Variants in COL6A5 observed in about 807,000 individuals in gnomAD.
The protein encoded by COL6A5 is collagen alpha-5(VI) chain.
A neutral mutation model predicts 65.6 loss-of-function variants in COL6A5; 48 were observed. That is an observed-to-expected ratio of 0.73 (90% CI 0.58 to 0.93). The LOEUF (loss-of-function observed/expected upper bound fraction) is 0.93, where lower values mean the gene tolerates loss of function less well. COL6A5 is among the 40% of genes least tolerant of loss of function. The probability of loss-of-function intolerance (pLI) is 0.00; values close to 1 mark genes in which losing one functional copy is unlikely to be tolerated. For synonymous variants in COL6A5, 291 were observed against 322.8 expected (o/e 0.90, Z 1.05); for missense variants, 914 against 928.3 (o/e 0.98, Z 0.20).
At chr3:130,457,065 A>G (rs894479720) in intron 5 of COL6A5, among the ~76,000 whole-genome samples, 3 of 45,508 alleles carry the variant, frequency 6.6e-5, no homozygotes, top group Non-Finnish European at 3.4e-4. Context: ...TTTTAGTTAA[A>G]ACTTTTTTTA....
chr3:130,406,017 A>G (rs755283918), exon 15 of COL6A5: 31 of 1,551,404 alleles, frequency 2.0e-5, no homozygotes, highest in Non-Finnish European at 2.7e-5. Flanking sequence ...TTCTGGACCT[A>G]AGGTACTGGA....
At chr3:130,436,506 T>C (rs940513893) in intron 1 of COL6A5, among the ~76,000 whole-genome samples, 2 of 152,160 alleles carry the variant, frequency 1.3e-5, no homozygotes, top group African/African-American at 2.4e-5. Flanking sequence ...GCATTCTTTC[T>C]TGAGATAATC....
rs147824245 is a variant in COL6A5 at position 130,371,888 on chromosome 3, A to G, written c.-28-1723A>G. 9.8e-5 allele frequency among the ~76,000 whole-genome samples: 15 copies of G among 152,326 alleles called. No homozygotes were observed. In the East Asian group the frequency reaches 2.5e-3, roughly 25 times the overall value. ...AAGGACACATTTAAAAAGTGAAAAT[A>G]CAACACACAGAATGGCAGGAGTATA... On this transcript the variant is annotated intron_variant and NMD_transcript_variant, in intron 1 of 41. Coordinates refer to the COL6A5 transcript ENST00000312481.
chr3:130,454,340 T>C (rs913868643), intron 4 of COL6A5, among the ~76,000 whole-genome samples: 3 of 152,164 alleles, frequency 2.0e-5, no homozygotes, highest in Non-Finnish European at 2.9e-5. Flanking sequence ...ATGACATGAT[T>C]CTCCACCACA....
chr3:130,369,681 A>G (rs979535604), intron 1 of COL6A5, among the ~76,000 whole-genome samples: 1 of 152,208 alleles, frequency 6.6e-6, no homozygotes, highest in South Asian at 2.1e-4. Flanking sequence ...AAGAAGGGAC[A>G]TGATTATTCA....
intron 7 of COL6A5, among the ~76,000 whole-genome samples, chr3:130,481,039 TTTTC>T (rs1035882426): frequency 6.6e-6 from 1 of 151,940 alleles, no homozygotes; most frequent in African/African-American, 2.4e-5. Context: ...TAGGCTTTCT[TTTTC>T]TTTCTTTCTT....
At chr3:130,385,530 G>A (rs1485122381) in intron 5 of COL6A5, among the ~76,000 whole-genome samples, 166 bp downstream of exon 5, 1 of 151,970 alleles carries the variant, frequency 6.6e-6, no homozygotes, top group Non-Finnish European at 1.5e-5. Context: ...TAAACCAAAT[G>A]CCAAGACTGG....
At chr3:130,402,844 A>G (rs1442991848) in intron 12 of COL6A5, among the ~76,000 whole-genome samples, 1 of 152,230 alleles carries the variant, frequency 6.6e-6, no homozygotes, top group Non-Finnish European at 1.5e-5. Flanking sequence ...AATGGATTTT[A>G]GGTATCACAA....
At chr3:130,430,563 G>T (rs973982463), upstream of COL6A5, among the ~76,000 whole-genome samples, 12 of 152,166 alleles carry the variant, frequency 7.9e-5, no homozygotes, top group Admixed American at 6.6e-4. Flanking sequence ...TGAAAAGTGA[G>T]GTTTGATACA....
At chr3:130,356,801 C>T (rs1219486684) in intron 1 of COL6A5, among the ~76,000 whole-genome samples, 1 of 152,098 alleles carries the variant, frequency 6.6e-6, no homozygotes, top group African/African-American at 2.4e-5. Context: ...TGAGGAATAT[C>T]TGGCCTGTAG....
intron 3 of COL6A5, among the ~76,000 whole-genome samples, chr3:130,377,534 G>C (rs185721768): frequency 6.6e-6 from 1 of 152,232 alleles, no homozygotes; most frequent in Non-Finnish European, 1.5e-5. Flanking sequence ...CCAGGAAGAA[G>C]AGGGGATGCC....
intron 24 of COL6A5, among the ~76,000 whole-genome samples, 199 bp downstream of exon 24, chr3:130,417,018 C>G (rs1937364271): frequency 6.6e-6 from 1 of 151,804 alleles, no homozygotes; most frequent in Admixed American, 6.6e-5. Flanking sequence ...CTGCCCCCAT[C>G]AACCCATCGT....
chr3:130,409,999 C>G lies in COL6A5; in HGVS notation c.4543-10C>G, dbSNP rs1937120977. On this transcript the variant is annotated splice_polypyrimidine_tract_variant and intron_variant and NMD_transcript_variant, in intron 18 of 41. Transcript: ENST00000312481. Reference sequence around the variant, plus strand: ...TGGATTCTAAACTACTTTTAAAAATCTTTCTCTAGGGTAATCCAGGACAAA... The same window carrying G: ...TGGATTCTAAACTACTTTTAAAAATGTTTCTCTAGGGTAATCCAGGACAAA... The G allele has an allele frequency of 6.5e-7, 1 of 1,535,638 alleles. No individual in the cohort carries two copies. Among genetic ancestry groups the G allele is most frequent in the Non-Finnish European group, 8.8e-7 (1 of 1,134,418 alleles).
chr3:130,465,668 T>G (rs1709798520), intron 5 of COL6A5, among the ~76,000 whole-genome samples: 1 of 152,044 alleles, frequency 6.6e-6, no homozygotes, highest in South Asian at 2.1e-4. Flanking sequence ...TATTTCACAC[T>G]TAACAAGGAA....
At chr3:130,471,917 G>A (rs1472582858) in intron 7 of COL6A5, 1 of 1,534,372 alleles carries the variant, frequency 6.5e-7, no homozygotes, top group East Asian at 2.4e-5. Context: ...TAAACAGCAA[G>A]AAAAAGAAGG....
At chr3:130,387,427 T>C (rs997075898) in intron 5 of COL6A5, among the ~76,000 whole-genome samples, 9 of 152,128 alleles carry the variant, frequency 5.9e-5, no homozygotes, top group Non-Finnish European at 1.3e-4. Flanking sequence ...TAGAAGCCTA[T>C]TTCTTTTATA....
At chr3:130,456,177 T>C (rs1226114702) in intron 5 of COL6A5, among the ~76,000 whole-genome samples, 1 of 152,154 alleles carries the variant, frequency 6.6e-6, no homozygotes, top group East Asian at 1.9e-4. Context: ...GTATGTTTTA[T>C]TTTTGTGGTA....
At chr3:130,459,108 G>A (rs562740468) in intron 5 of COL6A5, among the ~76,000 whole-genome samples, 16 of 152,120 alleles carry the variant, frequency 1.1e-4, no homozygotes, top group African/African-American at 3.1e-4. Context: ...TTTGTAACGC[G>A]TTTTAAGTAC....
intron 4 of COL6A5, among the ~76,000 whole-genome samples, chr3:130,453,702 G>A (rs1032790493): frequency 2.6e-5 from 4 of 151,938 alleles, no homozygotes; most frequent in South Asian, 2.1e-4. Flanking sequence ...GTGCTTCTTC[G>A]AGCTTAGATC....
Sources: gnomAD v4.1 joint callset for allele counts (sites outside exome capture counted in the v4.1 genomes callset) on GRCh38, gnomAD v4.1.1 for gene constraint, MANE v1.5 for transcripts, NCBI Gene and HGNC (gene_info 2026-07-23, HGNC 2026-07-21) for gene names.